PRDM10: variants seen among roughly 807,000 people sequenced by gnomAD.
PRDM10 encodes PR/SET domain 10, also known as PR domain zinc finger protein 10.
PRDM10 carries 65 observed loss-of-function variants against 133.1 expected under a neutral mutation model. The ratio of observed to expected loss-of-function variants is 0.49; its 90% CI spans 0.40 to 0.60. The LOEUF (loss-of-function observed/expected upper bound fraction) is 0.60. Among genes scored for constraint, PRDM10 ranks in the 20% least tolerant of loss-of-function variants. PRDM10 has a pLI of 0.00. For missense variants in PRDM10, 1,137 were observed against 1,507.1 expected, an observed-to-expected ratio of 0.75 and a Z score of 4.07; for synonymous variants, 582 against 580.4, an observed-to-expected ratio of 1.00 and a Z score of -0.04.
intron 4 of PRDM10, chr11:129,948,134 T>C (rs750445580): frequency 1.3e-5 from 6 of 453,100 alleles, no homozygotes; most frequent in South Asian, 7.8e-5. Context: ...GTTTGGGTCA[T>C]GTATTAGGTT....
chr11:129,916,181 C>T (rs1950350863), intron 15 of PRDM10, among the ~76,000 whole-genome samples: 1 of 152,080 alleles, frequency 6.6e-6, no homozygotes, highest in Non-Finnish European at 1.5e-5. Flanking sequence ...GTTTTTAAGG[C>T]CCATCCACCT....
intron 1 of PRDM10, among the ~76,000 whole-genome samples, chr11:129,991,808 A>C: frequency 1.6e-5 from 2 of 127,774 alleles, no homozygotes; most frequent in African/African-American, 6.2e-5. Flanking sequence ...ACAGAGCGAG[A>C]CTCCATCTCA....
intron 1 of PRDM10, among the ~76,000 whole-genome samples, chr11:129,992,478 C>A (rs531213562): frequency 1.0e-3 from 156 of 152,266 alleles, no homozygotes; most frequent in African/African-American, 3.2e-3. Flanking sequence ...AAGCTCTTTC[C>A]CCTGTTTGCC....
At chr11:129,950,820 C>T (rs1454377275) in intron 4 of PRDM10, among the ~76,000 whole-genome samples, 1 of 152,170 alleles carries the variant, frequency 6.6e-6, no homozygotes, top group Non-Finnish European at 1.5e-5. Context: ...CTAGTAAAAC[C>T]GCGATGTATT....
At chr11:129,972,045 C>T (rs1031934250) in intron 1 of PRDM10, among the ~76,000 whole-genome samples, 3 of 152,254 alleles carry the variant, frequency 2.0e-5, no homozygotes, top group African/African-American at 4.8e-5. Flanking sequence ...CCAGTACACC[C>T]TCCGCAGCCA....
intron 1 of PRDM10, among the ~76,000 whole-genome samples, chr11:130,002,105 C>T (rs1308291428): frequency 6.6e-6 from 1 of 150,898 alleles, no homozygotes; most frequent in Non-Finnish European, 1.5e-5. Flanking sequence ...AACCGGCCAG[C>T]CCCGGAGCCC....
chr11:129,910,969 T>C (rs144398294), intron 18 of PRDM10, among the ~76,000 whole-genome samples: 3,250 of 152,128 alleles, frequency 0.021, 138 homozygotes, highest in African/African-American at 0.074. Context: ...AGAGAAGGGG[T>C]TTCTCCAGGT....
chr11:129,932,456 A>G lies in PRDM10; in HGVS notation c.1158-225T>C, dbSNP rs1950901070. Among the ~76,000 whole-genome samples the G allele has an allele frequency of 2.0e-5, 3 of 152,244 alleles. 1 individual carries two copies. Among genetic ancestry groups the G allele is most frequent in the Admixed American group, 2.0e-4 (3 of 15,284 alleles). ...AGATATGTCTTCAATTATTCTGAAG[A>G]AAAGAGCTATAAAAATTCAAAGCAC... On this transcript the variant is annotated intron_variant, in intron 9 of 20. Coordinates refer to ENST00000360871, the MANE Select transcript of PRDM10 (RefSeq NM_199437.2).
Position 129,900,757 on chromosome 11 carries a change from G to A in PRDM10, c.*1556C>T, listed in dbSNP as rs1027039055. On this transcript the variant is annotated 3_prime_UTR_variant, in exon 21 of 21. Coordinates refer to ENST00000360871, the MANE Select transcript of PRDM10 (RefSeq NM_199437.2). ...TTGTCACAAAGAGAGTCCATTTTCA[G>A]TTTCCATATGTTTATGAAGTAATTT... 6 of 152,146 alleles carry A rather than the reference G, an allele frequency of 3.9e-5. No individual in the cohort carries two copies. Among genetic ancestry groups the A allele is most frequent in the African/African-American group, 1.4e-4 (6 of 41,426 alleles). The allele number at this position is 152,146 out of a possible 1,614,324, so 9.4% of individuals were successfully genotyped here. A position where few individuals can be genotyped will look rare whatever the true frequency, so the allele number is the denominator to read the frequency against.
chr11:129,910,355 T>C (rs1164287629), intron 19 of PRDM10, 121 bp downstream of exon 19: 3 of 1,342,730 alleles, frequency 2.2e-6, no homozygotes, highest in Admixed American at 3.7e-5. Context: ...AGTACATTCA[T>C]AGAGAGTGTA....
At chr11:129,940,806 A>G (rs1342926031) in intron 7 of PRDM10, among the ~76,000 whole-genome samples, 1 of 152,210 alleles carries the variant, frequency 6.6e-6, no homozygotes, top group South Asian at 2.1e-4. Flanking sequence ...CAGTTTTGAA[A>G]GTTGAACCTT....
intron 9 of PRDM10, among the ~76,000 whole-genome samples, chr11:129,932,885 C>G (rs931793342): frequency 6.6e-6 from 1 of 152,126 alleles, no homozygotes; most frequent in East Asian, 1.9e-4. Flanking sequence ...CCCACCTCAG[C>G]GTCCCAAGTA....
intron 19 of PRDM10, among the ~76,000 whole-genome samples, chr11:129,906,747 G>A (rs1403591023): frequency 6.6e-6 from 1 of 152,154 alleles, no homozygotes; most frequent in East Asian, 1.9e-4. Context: ...GGAGGCCAAG[G>A]CAGGCGGATC....
chr11:129,987,013 G>A (rs1035061083), intron 1 of PRDM10, among the ~76,000 whole-genome samples: 1 of 152,224 alleles, frequency 6.6e-6, no homozygotes, highest in East Asian at 1.9e-4. Context: ...AAAGGAATAA[G>A]AATAGCCAAA....
intron 1 of PRDM10, among the ~76,000 whole-genome samples, chr11:129,978,607 G>A (rs1415836524): frequency 1.3e-5 from 2 of 152,168 alleles, no homozygotes; most frequent in African/African-American, 4.8e-5. Flanking sequence ...GGTCTGAGAC[G>A]GTGACCTCCG....
intron 1 of PRDM10, among the ~76,000 whole-genome samples, chr11:130,001,338 G>C (rs1346737003): frequency 6.6e-6 from 1 of 152,176 alleles, no homozygotes; most frequent in Non-Finnish European, 1.5e-5. Context: ...AGCGATGGAG[G>C]AGTGATAGAA....
In PRDM10 at chr11:129,942,476, G is replaced by C; in HGVS notation, c.916C>G (p.His306Asp). 1 of 1,613,994 alleles carries C rather than the reference G, an allele frequency of 6.2e-7. No individual in the cohort carries two copies. Among genetic ancestry groups the C allele is most frequent in the East Asian group, 2.2e-5 (1 of 44,864 alleles). ...TTTTTTATGGTTGTATAATACACAT[G>C]GTGGCCATACTGGTAAGCCACCAGG... ...QNLVAYQYGH[H>D]VYYTTIKNVE... The change falls in exon 7 of 21, where the codon CAT becomes GAT. Residue 306 changes from histidine to aspartate, a missense_variant. By Grantham distance (81) the His-to-Asp change is moderately conservative (BLOSUM62 -1). Around this residue, in one of 6 missense-constraint regions of PRDM10, gnomAD observed 635 missense variants for 835.2 expected, o/e 0.76. Transcript: ENST00000360871.
intron 1 of PRDM10, among the ~76,000 whole-genome samples, chr11:129,964,455 T>C (rs1951864329): frequency 6.6e-6 from 1 of 152,264 alleles, no homozygotes. Flanking sequence ...ATCAATTTAT[T>C]GTATTTTCTT....
rs975373225 is a variant in PRDM10 at position 129,900,530 on chromosome 11, T to A, written c.*1783A>T. 7 of 152,662 alleles carry A rather than the reference T, an allele frequency of 4.6e-5. No individual in the cohort carries two copies. The highest frequency in any genetic ancestry group is 4.6e-4 in the Admixed American group (7 of 15,284). The allele number at this position is 152,662 out of a possible 1,614,324, so 9.5% of individuals were successfully genotyped here. The stretch of plus-strand genomic sequence containing the variant: ...TCCTGAAGGGAGGGGAGATACCTTA[T>A]GGTTCAAATTAAAAAGAACGTAACA... On this transcript the variant is annotated 3_prime_UTR_variant, in exon 21 of 21. Coordinates refer to ENST00000360871, the MANE Select transcript of PRDM10 (RefSeq NM_199437.2).
Sources: allele counts gnomAD v4.1 joint callset (sites outside exome capture counted in the v4.1 genomes callset), GRCh38; gene constraint gnomAD v4.1.1; regional missense constraint gnomAD v4.1.1; transcripts MANE v1.5; gene names NCBI Gene and HGNC (gene_info 2026-07-23, HGNC 2026-07-21).